The following EFCAB3 variants were observed in gnomAD, a reference collection of about 807,000 sequenced individuals.
EFCAB3 encodes EF-hand calcium-binding domain-containing protein 3.
Under a neutral mutation model 42.2 loss-of-function variants are expected in EFCAB3, and 36 were observed. The observed-to-expected ratio is 0.85, with a 90% CI of 0.65 to 1.13. The LOEUF (loss-of-function observed/expected upper bound fraction) is 1.13, where lower values mean the gene tolerates loss of function less well. Ranked by LOEUF, EFCAB3 falls within the 50% of genes most tolerant of loss-of-function variation. The pLI is 0.00. For missense variants in EFCAB3, 418 were observed against 505.1 expected (o/e 0.83, Z 1.65); for synonymous variants, 170 against 172.8 (o/e 0.98, Z 0.13).
Position 62,406,601 on chromosome 17 carries a change from G to A in EFCAB3, c.610G>A (p.Ala204Thr). ...ICTPPSSSMAAFANAARIAIM... is the reference protein window; with the variant it reads ...ICTPPSSSMATFANAARIAIM... ...CACACCTCCAAGCTCAAGCATGGCT[G>A]CCTTTGCTAATGCTGCCCGGATTGC... The change falls in exon 7 of 10, where the codon GCC (alanine) becomes ACC (threonine). Residue 204 changes from alanine (A) to threonine (T), a missense_variant. Transcript: ENST00000305286. 6.2e-7 allele frequency: 1 copy of A among 1,614,076 alleles called. No homozygotes were observed. Among genetic ancestry groups the A allele is most frequent in the Non-Finnish European group, 8.5e-7 (1 of 1,180,008 alleles).
At chr17:62,396,965 A>G (rs952310659) in intron 6 of EFCAB3, among the ~76,000 whole-genome samples, 1 of 152,178 alleles carries the variant, frequency 6.6e-6, no homozygotes, top group Non-Finnish European at 1.5e-5. Context: ...AGTATATACT[A>G]TCATCACTCC....
At position 62,391,936 on chromosome 17, in the gene EFCAB3, A is replaced by C; in HGVS notation, c.266A>C (p.Tyr89Ser). 6.2e-7 allele frequency: 1 copy of C among 1,611,072 alleles called. No individual in the cohort carries two copies. Among genetic ancestry groups the C allele is most frequent in the African/African-American group, 1.3e-5 (1 of 75,044 alleles). ...LGMNLTKHDV[Y>S]NELKCADIDR... is the part of the protein sequence containing the mutation. ...ATGAATCTGACCAAGCATGATGTCT[A>C]TAATGAATTGAAATGTGCTGATATT... Residue 89 changes from tyrosine to serine, a missense_variant, in exon 4 of 10, where the codon TAT (tyrosine) becomes TCT (serine). Physicochemically the swap from Tyr to Ser is moderately radical, Grantham distance 144. Transcript: ENST00000305286.
At chr17:62,403,986 T>C (rs1380539284) in intron 6 of EFCAB3, among the ~76,000 whole-genome samples, 10 of 152,170 alleles carry the variant, frequency 6.6e-5, no homozygotes. Context: ...CACCCTAGAT[T>C]ACATTTAACT....
At chr17:62,377,978 G>T, upstream of EFCAB3, 3 of 1,549,056 alleles carry the variant, frequency 1.9e-6, no homozygotes, top group Admixed American at 2.0e-5. Flanking sequence ...CAAAAGGAAT[G>T]GTGACTCTGC....
chr17:62,372,504 A>G (rs61645059), intron 1 of EFCAB3, among the ~76,000 whole-genome samples: 8,998 of 151,380 alleles, frequency 0.059, 855 homozygotes, highest in African/African-American at 0.21. Context: ...CTGGTCTCCA[A>G]CTCCTGGGTT....
chr17:62,377,297 T>C (rs1429213906), upstream of EFCAB3, among the ~76,000 whole-genome samples: 3 of 152,212 alleles, frequency 2.0e-5, no homozygotes, highest in Admixed American at 6.5e-5. Context: ...CCTTTTTTGA[T>C]ATTAAAATAA....
intron 9 of EFCAB3, among the ~76,000 whole-genome samples, chr17:62,414,410 C>G (rs2070526315): frequency 6.6e-6 from 1 of 152,210 alleles, no homozygotes; most frequent in Admixed American, 6.5e-5. Context: ...ACTAACCTAA[C>G]TTCTTTCCTC....
chr17:62,389,942 A>C (rs1598010623), intron 3 of EFCAB3, among the ~76,000 whole-genome samples: 1 of 151,974 alleles, frequency 6.6e-6, no homozygotes, highest in Non-Finnish European at 1.5e-5. Context: ...ACCCGCCACC[A>C]CGCTCAGCTA....
At chr17:62,394,932 T>C (rs2070336039) in intron 5 of EFCAB3, 136 bp from the exon 6 acceptor site, 2 of 1,194,376 alleles carry the variant, frequency 1.7e-6, no homozygotes, top group Admixed American at 2.7e-5. Context: ...TTCTACCAAA[T>C]AGAACAGACT....
In EFCAB3 at chr17:62,415,674, G is replaced by C. The variant is rs142360330; in HGVS notation, c.991-329G>C. Among the ~76,000 whole-genome samples the C allele has an allele frequency of 2.4e-4, 37 of 152,208 alleles. No individual in the cohort carries two copies. The East Asian group carries it at 6.9e-3, about 29-fold the overall frequency. Reference sequence around the variant, plus strand: ...TCAGCTCAGCATCTTCTCCCAGTCAGTTCTCCCTATCCTAGGCTGAACTGA... The same window carrying C: ...TCAGCTCAGCATCTTCTCCCAGTCACTTCTCCCTATCCTAGGCTGAACTGA... On this transcript the variant is annotated intron_variant, in intron 9 of 9. Coordinates refer to ENST00000305286, the MANE Select transcript of EFCAB3 (RefSeq NM_173503.4).
chr17:62,397,572 TA>T (rs1241354984), intron 6 of EFCAB3: 4 of 597,146 alleles, frequency 6.7e-6, no homozygotes, highest in Non-Finnish European at 1.3e-5. Flanking sequence ...CTGGAAAAAA[TA>T]GGGGTTGAAA....
At chr17:62,386,473 A>C (rs536702972) in intron 2 of EFCAB3, among the ~76,000 whole-genome samples, 6,007 of 152,234 alleles carry the variant, frequency 0.039, 388 homozygotes, top group African/African-American at 0.14. Flanking sequence ...GTTGTAAAAA[A>C]AAAAAAGTTG....
At chr17:62,377,455 A>T (rs181164666), upstream of EFCAB3, among the ~76,000 whole-genome samples, 1 of 152,212 alleles carries the variant, frequency 6.6e-6, no homozygotes, top group Non-Finnish European at 1.5e-5. Flanking sequence ...AAAGAAAAAA[A>T]GTTAAATCTG....
At chr17:62,402,341 T>C (rs1409987530) in intron 6 of EFCAB3, among the ~76,000 whole-genome samples, 9 of 152,132 alleles carry the variant, frequency 5.9e-5, no homozygotes, top group Non-Finnish European at 1.2e-4. Flanking sequence ...ATAGGATTGG[T>C]GAGAGAGGGC....
chr17:62,409,743 A>T (rs1333987386), intron 8 of EFCAB3, among the ~76,000 whole-genome samples: 1 of 151,668 alleles, frequency 6.6e-6, no homozygotes, highest in East Asian at 1.9e-4. Flanking sequence ...ATTATACTAC[A>T]TGCATACATA....
At chr17:62,385,589 C>T (rs1183938365) in intron 2 of EFCAB3, among the ~76,000 whole-genome samples, 2 of 152,114 alleles carry the variant, frequency 1.3e-5, no homozygotes, top group East Asian at 3.8e-4. Context: ...GAGACTATCA[C>T]CTCCTTTTCT....
At chr17:62,413,565 G>C (rs964265319) in intron 8 of EFCAB3, among the ~76,000 whole-genome samples, 167 bp from the exon 9 acceptor site, 1 of 152,124 alleles carries the variant, frequency 6.6e-6, no homozygotes, top group African/African-American at 2.4e-5. Context: ...TGCCACTCCT[G>C]AGGGACCCGG....
chr17:62,410,260 G>C (rs531768295), intron 8 of EFCAB3, among the ~76,000 whole-genome samples: 14 of 152,234 alleles, frequency 9.2e-5, no homozygotes, highest in Non-Finnish European at 1.2e-4. Context: ...AGTGCCTCAT[G>C]CCTATAATCC....
intron 1 of EFCAB3, among the ~76,000 whole-genome samples, chr17:62,370,488 T>C (rs9900307): frequency 6.6e-6 from 1 of 151,724 alleles, no homozygotes; most frequent in Non-Finnish European, 1.5e-5. Flanking sequence ...AACCTCGTCT[T>C]TACTAAAACT....
Sources: allele counts gnomAD v4.1 joint callset (sites outside exome capture counted in the v4.1 genomes callset), GRCh38; gene constraint gnomAD v4.1.1; transcripts MANE v1.5; gene names NCBI Gene and HGNC (gene_info 2026-07-23, HGNC 2026-07-21).